The following CLRN3 variants were observed in gnomAD, a reference collection of about 807,000 sequenced individuals.
CLRN3 encodes clarin 3, also known as clarin-3.
Under a neutral mutation model 16.7 loss-of-function variants are expected in CLRN3, and 12 were observed. The observed-to-expected ratio is 0.72, with a 90% CI of 0.46 to 1.16. The LOEUF is 1.16. Ranked by LOEUF, CLRN3 falls within the 50% of genes most tolerant of loss-of-function variation. The pLI is 0.00. For synonymous variants in CLRN3, 118 were observed against 113.0 expected (o/e 1.04, Z -0.28); for missense variants, 296 against 274.2 (o/e 1.08, Z -0.56).
intron 2 of CLRN3, 59 bp from the exon 3 acceptor site, chr10:127,878,479 T>A: frequency 6.3e-7 from 1 of 1,596,002 alleles, no homozygotes. Flanking sequence ...ATGTCACTTA[T>A]CTTTATGGAA....
intron 2 of CLRN3, among the ~76,000 whole-genome samples, chr10:127,883,289 T>TGC (rs1491206143): frequency 2.1e-5 from 3 of 143,632 alleles, no homozygotes; most frequent in African/African-American, 7.7e-5. Flanking sequence ...TGTGTGTGTG[T>TGC]GCACATGTGT....
chr10:127,888,613 G>A (rs1483800719), intron 1 of CLRN3, among the ~76,000 whole-genome samples: 3 of 152,192 alleles, frequency 2.0e-5, no homozygotes, highest in Admixed American at 2.0e-4. Flanking sequence ...GGTTAGTGGA[G>A]GAAAGAGACT....
rs532609508 is a variant in CLRN3, at chr10:127,890,942, G to A, written c.229+1614C>T. On this transcript the variant is annotated intron_variant, in intron 1 of 2. Coordinates refer to ENST00000368671, the MANE Select transcript of CLRN3 (RefSeq NM_152311.5). ...AGGTGTCAACCAGAGTGACAGTGCA[G>A]CCCCTTCATTAATTGGGTGGTGGTT... is the stretch of plus-strand genomic sequence containing the variant. 9.2e-5 allele frequency among the ~76,000 whole-genome samples: 14 copies of A among 152,320 alleles called. No individual in the cohort carries two copies. The South Asian group carries it at 1.9e-3, about 20-fold the overall frequency.
In CLRN3 at chr10:127,892,593, C is replaced by A; in HGVS notation, c.192G>T (p.Leu64Phe). 6.2e-7 allele frequency: 1 copy of A among 1,611,480 alleles called. No individual in the cohort carries two copies. Among genetic ancestry groups the A allele is most frequent in the Non-Finnish European group, 8.5e-7 (1 of 1,177,592 alleles). The part of the protein sequence containing the change: ...GLFRGESSEE[L>F]SHGLAEPKKK... ...TCTTTGGTTCTGCAAGTCCGTGACT[C>A]AATTCTTCACTACTCTCCCCACGAA... The change falls in exon 1 of 3, where the codon TTG becomes TTT. Residue 64 changes from leucine to phenylalanine, a missense_variant. Coordinates refer to ENST00000368671, the MANE Select transcript of CLRN3 (RefSeq NM_152311.5).
At chr10:127,887,764 T>C (rs1025008611) in intron 1 of CLRN3, among the ~76,000 whole-genome samples, 1 of 152,188 alleles carries the variant, frequency 6.6e-6, no homozygotes, top group South Asian at 2.1e-4. Flanking sequence ...AACAATAAAC[T>C]TCCATAGAAT....
chr10:127,879,459 G>T (rs1167212694), intron 2 of CLRN3, among the ~76,000 whole-genome samples: 1 of 152,084 alleles, frequency 6.6e-6, no homozygotes, highest in Non-Finnish European at 1.5e-5. Context: ...ACGTAGTTCT[G>T]GAGTCAGAGA....
At chr10:127,879,581 G>A (rs1442341936) in intron 2 of CLRN3, among the ~76,000 whole-genome samples, 1 of 151,694 alleles carries the variant, frequency 6.6e-6, no homozygotes, top group African/African-American at 2.4e-5. Context: ...AAAAAATGTA[G>A]ATTAGGGCTT....
chr10:127,879,544 T>G (rs966414990), intron 2 of CLRN3, among the ~76,000 whole-genome samples: 1 of 149,292 alleles, frequency 6.7e-6, no homozygotes, highest in Admixed American at 6.7e-5. Flanking sequence ...TCCTCATCTT[T>G]CAAAGGGAAT....
intron 1 of CLRN3, among the ~76,000 whole-genome samples, chr10:127,890,218 G>A (rs761732289): frequency 5.3e-5 from 8 of 152,184 alleles, no homozygotes; most frequent in Non-Finnish European, 1.2e-4. Context: ...CCAGAACTTT[G>A]GGAGTAGCAA....
intron 1 of CLRN3, among the ~76,000 whole-genome samples, chr10:127,887,738 T>G (rs534360751): frequency 6.6e-6 from 1 of 152,278 alleles, no homozygotes; most frequent in South Asian, 2.1e-4. Flanking sequence ...TCAGGGAAAG[T>G]TACCAAGAAT....
At chr10:127,888,464 G>T (rs1401001141) in intron 1 of CLRN3, among the ~76,000 whole-genome samples, 1 of 152,214 alleles carries the variant, frequency 6.6e-6, no homozygotes, top group East Asian at 1.9e-4. Flanking sequence ...TAAGGTGGGG[G>T]CTCTTTATGA....
chr10:127,884,448 G>A (rs75384644), intron 1 of CLRN3, among the ~76,000 whole-genome samples: 1 of 152,206 alleles, frequency 6.6e-6, no homozygotes, highest in Non-Finnish European at 1.5e-5. Flanking sequence ...GACTTCTGTT[G>A]GTGCAAATCG....
chr10:127,889,377 A>G (rs1845233193), intron 1 of CLRN3, among the ~76,000 whole-genome samples: 1 of 152,188 alleles, frequency 6.6e-6, no homozygotes, highest in Admixed American at 6.5e-5. Context: ...TAATTCCAGC[A>G]CTTTGGGAGG....
At position 127,878,264 on chromosome 10, in the gene CLRN3, A is replaced by G. The variant is rs774743202; in HGVS notation, c.566T>C (p.Leu189Pro). Residue 189 changes from leucine to proline, a missense_variant, in exon 3 of 3, where the codon CTT (leucine) becomes CCT (proline). Leu to Pro is a moderately conservative substitution (Grantham distance 98). Transcript: ENST00000368671. ...YSFWLILLVI[L>P]LNIVTVTIII... ...GATGGTTACAGTGACTATATTTAGA[A>G]GAATGACGAGCAGTATGAGCCAGAA... The G allele has an allele frequency of 6.2e-7, 1 of 1,614,122 alleles. No homozygotes were observed. Among genetic ancestry groups the G allele is most frequent in the Non-Finnish European group, 8.5e-7 (1 of 1,180,056 alleles).
intron 1 of CLRN3, among the ~76,000 whole-genome samples, chr10:127,885,319 A>T (rs753290496): frequency 6.6e-6 from 1 of 152,150 alleles, no homozygotes; most frequent in Non-Finnish European, 1.5e-5. Flanking sequence ...ATGATTTAAA[A>T]ATTCCTCATT....
chr10:127,886,905 T>C (rs531587653), intron 1 of CLRN3, among the ~76,000 whole-genome samples: 1 of 152,314 alleles, frequency 6.6e-6, no homozygotes, highest in Non-Finnish European at 1.5e-5. Flanking sequence ...GGAAGGGCTC[T>C]AGCGGGACCT....
rs1845078793 is a variant in CLRN3, at chr10:127,878,022, C to A, written c.*127G>T. The stretch of plus-strand genomic sequence containing the variant: ...ACAGCATCAATGAAGAACACAGTGT[C>A]ATGAAACACAAATGCTGTCACAGAT... On this transcript the variant is annotated 3_prime_UTR_variant, in exon 3 of 3. Transcript: ENST00000368671. 1.3e-5 allele frequency: 15 copies of A among 1,198,534 alleles called. 1 individual carries two copies. In the South Asian group the frequency reaches 1.8e-4, roughly 14 times the overall value. 74.2% of individuals were successfully genotyped at this position (1,198,534 alleles called of 1,614,324 possible). A position where few individuals can be genotyped will look rare whatever the true frequency, so the allele number is the denominator to read the frequency against.
intron 1 of CLRN3, among the ~76,000 whole-genome samples, chr10:127,885,584 T>G (rs986520313): frequency 6.6e-6 from 1 of 152,128 alleles, no homozygotes; most frequent in Non-Finnish European, 1.5e-5. Flanking sequence ...TCTCTTTTTC[T>G]TCTGTTTTTG....
At chr10:127,888,308 G>C (rs115287188) in intron 1 of CLRN3, among the ~76,000 whole-genome samples, 1,934 of 152,262 alleles carry the variant, frequency 0.013, 28 homozygotes, top group African/African-American at 0.043. Context: ...AGTTGCCAGG[G>C]TTCCTTAGGG....
Sources: allele counts gnomAD v4.1 joint callset (sites outside exome capture counted in the v4.1 genomes callset), GRCh38; gene constraint gnomAD v4.1.1; transcripts MANE v1.5; gene names NCBI Gene and HGNC (gene_info 2026-07-23, HGNC 2026-07-21).